The following IL5RA variants were observed in gnomAD, a reference collection of about 807,000 sequenced individuals.
IL5RA encodes the protein interleukin 5 receptor subunit alpha, also known as interleukin-5 receptor subunit alpha.
In IL5RA, 49 loss-of-function variants were observed where a neutral mutation model predicts 50.0. The observed-to-expected ratio is 0.98, with a 90% CI of 0.78 to 1.24. The LOEUF is 1.24. Ranked by LOEUF, IL5RA falls within the 50% of genes most tolerant of loss-of-function variation. IL5RA has a pLI of 0.00. For missense variants in IL5RA, 600 were observed against 500.4 expected (o/e 1.20, Z -1.90); for synonymous variants, 202 against 174.0 (o/e 1.16, Z -1.26).
At position 3,069,359 on chromosome 3, in the gene IL5RA, A is replaced by G. The variant is rs1441637628; in HGVS notation, c.*866T>C. The G allele has an allele frequency of 6.6e-6, 1 of 152,258 alleles. No homozygotes were observed. The highest frequency in any genetic ancestry group is 1.5e-5 in the Non-Finnish European group (1 of 68,052). The allele number at this position is 152,258 out of a possible 1,614,324, so 9.4% of individuals were successfully genotyped here. The stretch of plus-strand genomic sequence containing the variant: ...GAGAGACTAGGATTGATCTGGCATT[A>G]CTTGACCAACAAGTTGTTCTGAAGT... On this transcript the variant is annotated 3_prime_UTR_variant, in exon 12 of 12. Coordinates refer to ENST00000446632, the MANE Select transcript of IL5RA (RefSeq NM_175726.4).
chr3:3,092,084 G>C lies in IL5RA; in HGVS notation c.994+140C>G. 7.0e-7 allele frequency: 1 copy of C among 1,430,412 alleles called. No homozygotes were observed. Among genetic ancestry groups the C allele is most frequent in the South Asian group, 1.6e-5 (1 of 62,850 alleles). 88.6% of individuals were successfully genotyped at this position (1,430,412 alleles called of 1,614,324 possible). A position where few individuals can be genotyped will look rare whatever the true frequency, so the allele number is the denominator to read the frequency against. On this transcript the variant is annotated intron_variant, in intron 9 of 11. Coordinates refer to ENST00000446632, the MANE Select transcript of IL5RA (RefSeq NM_175726.4). The surrounding 1 kb of genome is among the most constrained non-coding windows in gnomAD (Gnocchi z 4.2). Reference sequence around the variant, plus strand: ...TGGCAAATCTATTCCTGATTGAAAAGGCAGTAGACCGAGAGAAAATTAGTC... The same window carrying C: ...TGGCAAATCTATTCCTGATTGAAAACGCAGTAGACCGAGAGAAAATTAGTC...
chr3:3,070,653 G>T (rs57649224), intron 11 of IL5RA, among the ~76,000 whole-genome samples: 1 of 142,492 alleles, frequency 7.0e-6, no homozygotes, highest in African/African-American at 2.7e-5. Context: ...CATGATGTCG[G>T]CTCACTGCAA....
Position 3,098,109 on chromosome 3 carries a change from C to T in IL5RA, c.521+28G>A, listed in dbSNP as rs369671136. ...TGAGGTTGCAGGAAACAACCATTTGCCTAAGTAAAAATAGGTACAGTACTA... is the reference window on the plus strand; with the variant it reads ...TGAGGTTGCAGGAAACAACCATTTGTCTAAGTAAAAATAGGTACAGTACTA... On this transcript the variant is annotated intron_variant, in intron 6 of 11. Transcript: ENST00000446632. 2.5e-6 allele frequency: 4 copies of T among 1,613,896 alleles called. No individual in the cohort carries two copies. The African/African-American group carries it at 5.3e-5, about 22-fold the overall frequency.
chr3:3,100,041 G>A (rs999791644), intron 5 of IL5RA, among the ~76,000 whole-genome samples: 2 of 152,174 alleles, frequency 1.3e-5, no homozygotes, highest in African/African-American at 4.8e-5. Flanking sequence ...AGAAAGGCTT[G>A]TTTTCATTTC....
In IL5RA at chr3:3,104,898, C is replaced by G. The variant is rs1021769450; in HGVS notation, c.82+5G>C. ...ACATTATTGAATTGAATAGAAGGTC[C>G]TTACTCTTTTCATCAGGAAGTAAGT... On this transcript the variant is annotated splice_donor_5th_base_variant and intron_variant, in intron 3 of 11. Transcript: ENST00000446632. The G allele has an allele frequency of 1.3e-6, 2 of 1,571,818 alleles. No individual in the cohort carries two copies. Among genetic ancestry groups the G allele is most frequent in the African/African-American group, 2.7e-5 (2 of 73,950 alleles).
At chr3:3,084,804 C>G (rs1702792791) in intron 9 of IL5RA, among the ~76,000 whole-genome samples, 1 of 152,262 alleles carries the variant, frequency 6.6e-6, no homozygotes, top group Non-Finnish European at 1.5e-5. Context: ...TGTTTTCTCA[C>G]CTGTGTGATT....
At position 3,104,910 on chromosome 3, in the gene IL5RA, A is replaced by G; in HGVS notation, c.75T>C (p.Asp25=). 1 of 1,600,364 alleles carries G rather than the reference A, an allele frequency of 6.2e-7. No homozygotes were observed. The change falls in exon 3 of 12, where the codon GAT becomes GAC. Residue 25 remains aspartate (D), a synonymous_variant. Coordinates refer to ENST00000446632, the MANE Select transcript of IL5RA (RefSeq NM_175726.4). ...TEILQADLLP[D]EKISLLPPVN... is the part of the protein sequence containing the mutation. ...TGAATAGAAGGTCCTTACTCTTTTC[A>G]TCAGGAAGTAAGTCAGCTTGCAGTA...
chr3:3,092,148 A>G lies in IL5RA; in HGVS notation c.994+76T>C. 1 of 1,566,928 alleles carries G rather than the reference A, an allele frequency of 6.4e-7. No individual in the cohort carries two copies. On this transcript the variant is annotated intron_variant, in intron 9 of 11. Transcript: ENST00000446632. The surrounding 1 kb of genome is among the most constrained non-coding windows in gnomAD (Gnocchi z 4.2). Reference sequence around the variant, plus strand: ...GAAACCATTTTAAGACCCACGAGTGAACGGGTACGTTTCTGGGATTACCTT... The same window carrying G: ...GAAACCATTTTAAGACCCACGAGTGGACGGGTACGTTTCTGGGATTACCTT...
At chr3:3,105,998 C>T (rs1575013550) in intron 2 of IL5RA, among the ~76,000 whole-genome samples, 1 of 152,094 alleles carries the variant, frequency 6.6e-6, no homozygotes, top group South Asian at 2.1e-4. Context: ...ACCACGTGCT[C>T]CCCCCAGAGA....
At chr3:3,085,460 G>T (rs759273012) in intron 9 of IL5RA, among the ~76,000 whole-genome samples, 85 of 152,270 alleles carry the variant, frequency 5.6e-4, no homozygotes, top group Middle Eastern at 3.4e-3. Flanking sequence ...GGAGAGTGAC[G>T]GGATCAGGAG....
Position 3,109,084 on chromosome 3 carries a change from T to C in IL5RA, c.-145-393A>G, listed in dbSNP as rs1022557749. On this transcript the variant is annotated intron_variant, in intron 1 of 11. Transcript: ENST00000446632. ...TATAAAAGCACCATCACTTTTCATG[T>C]GTTTATTAATTTTAGGCTCAAGGGT... Among the ~76,000 whole-genome samples the C allele has an allele frequency of 3.9e-5, 6 of 152,224 alleles. 1 individual carries two copies. Among genetic ancestry groups the C allele is most frequent in the Admixed American group, 3.3e-4 (5 of 15,278 alleles).
rs1702190475 is a variant in IL5RA, at chr3:3,068,433, G to C, written c.*1792C>G. On this transcript the variant is annotated 3_prime_UTR_variant, in exon 12 of 12. Coordinates refer to ENST00000446632, the MANE Select transcript of IL5RA (RefSeq NM_175726.4). ...CAAAAAAAAATACAAAAAAGAGCTG[G>C]GAATGGTGTTATGCACCTGTAGTCC... 2 of 151,836 alleles carry C rather than the reference G, an allele frequency of 1.3e-5. No homozygotes were observed. Among genetic ancestry groups the C allele is most frequent in the South Asian group, 4.2e-4 (2 of 4,816 alleles). The allele number at this position is 151,836 out of a possible 1,614,324, so 9.4% of individuals were successfully genotyped here.
chr3:3,074,741 C>T, intron 11 of IL5RA, 41 bp downstream of exon 11: 2 of 1,231,696 alleles, frequency 1.6e-6, no homozygotes, highest in South Asian at 1.2e-5. Context: ...GGGACTCAAC[C>T]CTGGACACAT....
intron 11 of IL5RA, among the ~76,000 whole-genome samples, chr3:3,072,989 C>G (rs757390733): frequency 7.9e-5 from 12 of 152,142 alleles, no homozygotes; most frequent in Non-Finnish European, 1.8e-4. Flanking sequence ...ACATCCAGAA[C>G]AGGCACCAAA....
rs895594313 is a variant in IL5RA, at chr3:3,069,235, A to G, written c.*990T>C. On this transcript the variant is annotated 3_prime_UTR_variant, in exon 12 of 12. Coordinates refer to ENST00000446632, the MANE Select transcript of IL5RA (RefSeq NM_175726.4). ...CCACCACCCACCACAAAGGCCTCCA[A>G]TCTGGATGCAGACTCATATATGAAG... 1 of 152,290 alleles carries G rather than the reference A, an allele frequency of 6.6e-6. No homozygotes were observed. The highest frequency in any genetic ancestry group is 2.4e-5 in the African/African-American group (1 of 41,450). 9.4% of individuals were successfully genotyped at this position (152,290 alleles called of 1,614,324 possible). A position where few individuals can be genotyped will look rare whatever the true frequency, so the allele number is the denominator to read the frequency against.
intron 9 of IL5RA, among the ~76,000 whole-genome samples, chr3:3,081,173 C>G (rs2125959366): frequency 6.6e-6 from 1 of 152,308 alleles, no homozygotes; most frequent in East Asian, 1.9e-4. Flanking sequence ...ATACTCCGTT[C>G]TCTGGATTGG....
chr3:3,087,723 T>C (rs1702929270), intron 9 of IL5RA, among the ~76,000 whole-genome samples: 2 of 152,082 alleles, frequency 1.3e-5, no homozygotes, highest in Non-Finnish European at 2.9e-5. Flanking sequence ...GCATGCTGTT[T>C]TTAAGATAAG....
intron 9 of IL5RA, among the ~76,000 whole-genome samples, chr3:3,086,660 C>T (rs564165117): frequency 4.3e-4 from 63 of 147,428 alleles, no homozygotes; most frequent in Admixed American, 2.0e-3. Context: ...TAGTGAGACC[C>T]CTCATCTCTT....
At chr3:3,070,652 G>A (rs1055197146) in intron 11 of IL5RA, among the ~76,000 whole-genome samples, 57 of 136,100 alleles carry the variant, frequency 4.2e-4, no homozygotes, top group African/African-American at 1.4e-3. Flanking sequence ...GCATGATGTC[G>A]GCTCACTGCA....
Sources: allele counts gnomAD v4.1 joint callset (sites outside exome capture counted in the v4.1 genomes callset), GRCh38; gene constraint gnomAD v4.1.1; non-coding constraint Gnocchi (gnomAD v3.1); transcripts MANE v1.5; gene names NCBI Gene and HGNC (gene_info 2026-07-23, HGNC 2026-07-21).